TTN: variants seen among roughly 807,000 people sequenced by gnomAD.
TTN encodes connectin.
A neutral mutation model predicts 3,223.0 loss-of-function variants in TTN; 1,525 were observed. The ratio of observed to expected loss-of-function variants is 0.47; its 90% CI spans 0.45 to 0.49. TTN has a LOEUF of 0.49. Among genes scored for constraint, TTN ranks in the 20% least tolerant of loss-of-function variants. The pLI, the probability that TTN is intolerant of heterozygous loss-of-function variation, is 0.00. For synonymous variants in TTN, 14,094 were observed against 15,161.0 expected (o/e 0.93, Z 5.17); for missense variants, 40,786 against 43,424.0 (o/e 0.94, Z 5.40).
At position 178,719,349 on chromosome 2, in the gene TTN, A is replaced by G. The variant is rs1415104830; in HGVS notation, c.24041T>C (p.Ile8014Thr). 2.5e-6 allele frequency: 4 copies of G among 1,613,634 alleles called. No individual in the cohort carries two copies. The African/African-American group carries it at 4.0e-5, about 16-fold the overall frequency. The change falls in exon 83 of 363, where the codon ATT (isoleucine) becomes ACT (threonine). Residue 8014 changes from isoleucine (I) to threonine (T), a missense_variant. Coordinates refer to ENST00000589042, the MANE Select transcript of TTN (RefSeq NM_001267550.2). Reference sequence around the variant, plus strand: ...TCCATCCTGAAACCAGCCAACTGAAATCGGGGCTGAGCCAGAGACTCGGCA... The same window carrying G: ...TCCATCCTGAAACCAGCCAACTGAAGTCGGGGCTGAGCCAGAGACTCGGCA... ...LECRVSGSAPISVGWFQDGNE... is the reference protein window; with the variant it reads ...LECRVSGSAPTSVGWFQDGNE...
intron 117 of TTN, 126 bp downstream of exon 117, chr2:178,694,473 A>G (rs2073200329): frequency 3.5e-6 from 2 of 570,128 alleles, no homozygotes. Flanking sequence ...TAAAATTTGT[A>G]TTATGTAAAA....
Position 178,551,272 on chromosome 2 carries a change from TAAGG to T in TTN, c.91271-16_91271-13del. On this transcript the variant is annotated splice_polypyrimidine_tract_variant and intron_variant, in intron 335 of 362. Coordinates refer to ENST00000589042, the MANE Select transcript of TTN (RefSeq NM_001267550.2). The stretch of plus-strand genomic sequence containing the variant: ...AGTGCCAGGTGGGTCTAAAAAATTA[TAAGG>T]AAGGTAAATGCATCATTACATTTGT... The T allele has an allele frequency of 6.2e-7, 1 of 1,604,110 alleles. No homozygotes were observed.
In TTN at chr2:178,569,735, ATGTT is replaced by A. The variant is rs727504483; in HGVS notation, c.76393_76396del (p.Asn25465Ter). The A allele has an allele frequency of 1.2e-6, 2 of 1,613,184 alleles. No individual in the cohort carries two copies. The highest frequency in any genetic ancestry group is 1.7e-6 in the Non-Finnish European group (2 of 1,179,600). On this transcript the variant is annotated frameshift_variant, in exon 326 of 363. Transcript: ENST00000589042. LOFTEE classifies it high-confidence loss of function. ...CTTTTCCAACAGCTTCTCTACTTCT[ATGTT>A]TGTTTTATTAATTCCTGTTGGTGGA...
chr2:178,544,503 G>T lies in TTN; in HGVS notation c.95726C>A (p.Thr31909Asn), dbSNP rs997340744. 2 of 1,587,830 alleles carry T rather than the reference G, an allele frequency of 1.3e-6. No homozygotes were observed. The highest frequency in any genetic ancestry group is 1.7e-6 in the Non-Finnish European group (2 of 1,162,600). ...NFISCREPSY[T>N]PGPPSAPRVV... ...TCTTGGAGCAGAAGGTGGTCCAGGG[G>T]TATCTGTGGAATTTAAAAAGTGAGA... is the stretch of plus-strand genomic sequence containing the variant. The change falls in exon 345 of 363, where the codon ACC becomes AAC. Residue 31909 changes from threonine to asparagine, a missense_variant. Physicochemically the swap from Thr to Asn is moderately conservative, Grantham distance 65. Transcript: ENST00000589042.
At chr2:178,528,118 A>C in intron 361 of TTN, 156 bp downstream of exon 361, 2 of 832,828 alleles carry the variant, frequency 2.4e-6, no homozygotes, top group Non-Finnish European at 3.6e-6. Flanking sequence ...GCTATAAAGA[A>C]AGTTTGACTA....
rs372528823 is a variant in TTN at position 178,712,424 on chromosome 2, C to A, written c.27498G>T (p.Ser9166=). ...TGCTACTTGGAATTTCCAGGATTGCCGATTTTTCAGTCGTAGTTATATTAC... is the reference window on the plus strand; with the variant it reads ...TGCTACTTGGAATTTCCAGGATTGCAGATTTTTCAGTCGTAGTTATATTAC... ...QRCNITTTEK[S]AILEIPSSTV... Residue 9166 remains serine, a synonymous_variant, in exon 95 of 363, where the codon TCG becomes TCT. Coordinates refer to ENST00000589042, the MANE Select transcript of TTN (RefSeq NM_001267550.2). 14 of 1,613,580 alleles carry A rather than the reference C, an allele frequency of 8.7e-6. No homozygotes were observed. The highest frequency in any genetic ancestry group is 1.3e-5 in the African/African-American group (1 of 74,862).
At chr2:178,730,026 C>G (rs1030333199) in intron 62 of TTN, 67 bp downstream of exon 62, 3 of 1,586,762 alleles carry the variant, frequency 1.9e-6, no homozygotes, top group African/African-American at 2.7e-5. Context: ...AAGCGTCCCC[C>G]GCCCCGGCCC....
rs373572123 is a variant in TTN at position 178,565,140 on chromosome 2, C to T, written c.80992G>A (p.Ala26998Thr). 8 of 1,613,262 alleles carry T rather than the reference C, an allele frequency of 5.0e-6. No individual in the cohort carries two copies. The highest frequency in any genetic ancestry group is 1.1e-5 in the South Asian group (1 of 91,008). Reference protein sequence around the residue: ...DFVVISWEPPAYTGGCQISNY... With the variant: ...DFVVISWEPPTYTGGCQISNY... Reference sequence around the variant, plus strand: ...CTTATTTGGCAGCCACCAGTATAGGCTGGAGGTTCCCAAGATATGACTACA... The same window carrying T: ...CTTATTTGGCAGCCACCAGTATAGGTTGGAGGTTCCCAAGATATGACTACA... The change falls in exon 326 of 363, where the codon GCC becomes ACC. Residue 26998 changes from alanine (A) to threonine (T), a missense_variant. By Grantham distance (58) the Ala-to-Thr change is moderately conservative. Transcript: ENST00000589042.
rs183047238 is a variant in TTN, at chr2:178,600,885, A to G, written c.56019T>C (p.Thr18673=). ...GGTCTTTGACAGTCACAGGGCCAAC[A>G]GTGGCTGAAGGCTTGCTGACTCCTG... is the stretch of plus-strand genomic sequence containing the variant. ...NAAGVSKPSA[T]VGPVTVKDQT... The change falls in exon 288 of 363, where the codon ACT becomes ACC. Residue 18673 remains threonine (T), a synonymous_variant. Coordinates refer to ENST00000589042, the MANE Select transcript of TTN (RefSeq NM_001267550.2). 5.1e-5 allele frequency: 82 copies of G among 1,612,878 alleles called. 1 individual carries two copies. In the African/African-American group the frequency reaches 6.3e-4, roughly 12 times the overall value.
Position 178,734,568 on chromosome 2 carries a change from T to C in TTN, c.15256A>G (p.Ile5086Val), listed in dbSNP as rs1560838962. 3 of 1,594,236 alleles carry C rather than the reference T, an allele frequency of 1.9e-6. No homozygotes were observed. Among genetic ancestry groups the C allele is most frequent in the South Asian group, 2.3e-5 (2 of 87,336 alleles). ...AGTAGAGCATTTGTTCCTCTCACTA[T>C]GTCTGCAGGCTCAAGAGTTTTGATG... ...SFIKTLEPAD[I>V]VRGTNALLQC... The change falls in exon 52 of 363, where the codon ATA becomes GTA. Residue 5086 changes from isoleucine (I) to valine (V), a missense_variant. Ile to Val is a conservative substitution (Grantham distance 29). Coordinates refer to ENST00000589042, the MANE Select transcript of TTN (RefSeq NM_001267550.2).
Position 178,546,519 on chromosome 2 carries a change from CAG to C in TTN, c.94829-19_94829-18del. 1 of 1,605,016 alleles carries C rather than the reference CAG, an allele frequency of 6.2e-7. No individual in the cohort carries two copies. The highest frequency in any genetic ancestry group is 8.5e-7 in the Non-Finnish European group (1 of 1,174,246). On this transcript the variant is annotated intron_variant, in intron 341 of 362. Coordinates refer to ENST00000589042, the MANE Select transcript of TTN (RefSeq NM_001267550.2). ...TGGGTGGAGCTGTCAGTAGGCAAAACAGATATGAATGAATATCTGAGAGTTTA... is the reference window on the plus strand; with the variant it reads ...TGGGTGGAGCTGTCAGTAGGCAAAACATATGAATGAATATCTGAGAGTTTA...
rs1201085993 is a variant in TTN at position 178,567,209 on chromosome 2, C to G, written c.78923G>C (p.Trp26308Ser). The G allele has an allele frequency of 6.2e-7, 1 of 1,610,556 alleles. No homozygotes were observed. The highest frequency in any genetic ancestry group is 8.5e-7 in the Non-Finnish European group (1 of 1,177,968). The change falls in exon 326 of 363, where the codon TGG (tryptophan) becomes TCG (serine). Residue 26308 changes from tryptophan (W) to serine (S), a missense_variant. Coordinates refer to ENST00000589042, the MANE Select transcript of TTN (RefSeq NM_001267550.2). ...GVTSEKCSLT[W>S]SPPLQDGGSD... ...GCCACCATCTTGAAGTGGTGGAGAC[C>G]ATGTTAAAGAGCATTTTTCAGAAGT...
At chr2:178,654,125 A>G (rs1296640051) in intron 193 of TTN, 30 bp from the exon 194 acceptor site, 4 of 1,594,754 alleles carry the variant, frequency 2.5e-6, no homozygotes, top group South Asian at 1.1e-5. Flanking sequence ...TTTATAATTT[A>G]TGAATGGCGA....
chr2:178,541,765 A>G, intron 349 of TTN, 181 bp from the exon 350 acceptor site: 1 of 371,734 alleles, frequency 2.7e-6, no homozygotes, highest in Non-Finnish European at 4.4e-6. Flanking sequence ...TCATTTAATT[A>G]TTTAATTATT....
At position 178,692,486 on chromosome 2, in the gene TTN, T is replaced by G; in HGVS notation, c.31678+11A>C. 3 of 1,561,674 alleles carry G rather than the reference T, an allele frequency of 1.9e-6. No individual in the cohort carries two copies. Among genetic ancestry groups the G allele is most frequent in the Non-Finnish European group, 2.6e-6 (3 of 1,150,462 alleles). On this transcript the variant is annotated intron_variant, in intron 120 of 362. Transcript: ENST00000589042. ...TGCTAAGAATTATTTTTTTCACAAA[T>G]ATTATTCTACCTTTTGGTGCTGGGG...
In TTN at chr2:178,702,181, G is replaced by A. The variant is rs879007169; in HGVS notation, c.30498C>T (p.Tyr10166=). 1.4e-5 allele frequency: 22 copies of A among 1,613,904 alleles called. No individual in the cohort carries two copies. The highest frequency in any genetic ancestry group is 1.8e-5 in the Non-Finnish European group (21 of 1,179,870). The change falls in exon 108 of 363, where the codon TAC becomes TAT. Residue 10166 remains tyrosine, a synonymous_variant. Coordinates refer to ENST00000589042, the MANE Select transcript of TTN (RefSeq NM_001267550.2). The part of the protein sequence containing the change: ...RGEARSTAEL[Y]LTTKEIKLEL... ...GCGCTACCTCACCTTTCGTCGTTAG[G>A]TACAGCTCTGCCGTGCTTCTTGCTT...
At position 178,588,623 on chromosome 2, in the gene TTN, A is replaced by G; in HGVS notation, c.63102T>C (p.Tyr21034=). 1 of 1,596,870 alleles carries G rather than the reference A, an allele frequency of 6.3e-7. No individual in the cohort carries two copies. Among genetic ancestry groups the G allele is most frequent in the South Asian group, 1.1e-5 (1 of 87,360 alleles). ...KVQNLLPDHE[Y]QFRVKAENEI... ...CATTTTCTGCCTTGACACGGAACTG[A>G]TATTCATGGTCTGGGAGGAGATTCT... Residue 21034 remains tyrosine (Y), a synonymous_variant, in exon 304 of 363, where the codon TAT becomes TAC. Coordinates refer to ENST00000589042, the MANE Select transcript of TTN (RefSeq NM_001267550.2).
intron 162 of TTN, 22 bp downstream of exon 162, chr2:178,667,214 T>C: frequency 1.9e-6 from 3 of 1,564,430 alleles, no homozygotes; most frequent in Non-Finnish European, 2.6e-6. Context: ...TTCTTTAGAT[T>C]TTCCTAACTA....
intron 89 of TTN, 35 bp from the exon 90 acceptor site, chr2:178,715,299 C>A: frequency 6.4e-7 from 1 of 1,564,088 alleles, no homozygotes; most frequent in Non-Finnish European, 8.6e-7. Flanking sequence ...CGGATGTATT[C>A]TGTAAGTATA....
Sources: allele counts gnomAD v4.1 joint callset, GRCh38; gene constraint gnomAD v4.1.1; transcripts MANE v1.5; gene names NCBI Gene and HGNC (gene_info 2026-07-23, HGNC 2026-07-21).